MAPKAP1: variants seen among roughly 807,000 people sequenced by gnomAD.
MAPKAP1 encodes MAPK associated protein 1.
In MAPKAP1, 20 loss-of-function variants were observed where a neutral mutation model predicts 65.7. The observed-to-expected ratio is 0.30, with a 90% CI of 0.21 to 0.44. The LOEUF is 0.44. Ranked by LOEUF, MAPKAP1 falls within the 20% of genes least tolerant of loss-of-function variation. The probability of loss-of-function intolerance (pLI) is 1.00; values close to 1 mark genes in which losing one functional copy is unlikely to be tolerated. For missense variants in MAPKAP1, 423 were observed against 648.0 expected (o/e 0.65, Z 3.77); for synonymous variants, 222 against 244.3 (o/e 0.91, Z 0.85).
At chr9:125,689,015 C>T (rs996050464) in intron 1 of MAPKAP1, among the ~76,000 whole-genome samples, 1 of 152,168 alleles carries the variant, frequency 6.6e-6, no homozygotes, top group African/African-American at 2.4e-5. Context: ...CTTATCAGTT[C>T]ATTCAATAAG....
At chr9:125,603,041 CA>C (rs1465020340) in intron 4 of MAPKAP1, among the ~76,000 whole-genome samples, 1 of 149,534 alleles carries the variant, frequency 6.7e-6, no homozygotes, top group African/African-American at 2.4e-5. Flanking sequence ...ACTACAGGAA[CA>C]CCACCACACT....
chr9:125,627,304 T>C (rs918845326), intron 4 of MAPKAP1, among the ~76,000 whole-genome samples: 1 of 152,258 alleles, frequency 6.6e-6, no homozygotes, highest in African/African-American at 2.4e-5. Context: ...GCCTCTATCT[T>C]GGGCACATTT....
chr9:125,465,633 T>G (rs898572769), intron 10 of MAPKAP1, among the ~76,000 whole-genome samples: 2 of 152,212 alleles, frequency 1.3e-5, no homozygotes, highest in Non-Finnish European at 2.9e-5. Flanking sequence ...TTAACAAACA[T>G]TCAGTGAGGA....
chr9:125,545,897 G>A (rs1381033829), intron 6 of MAPKAP1, among the ~76,000 whole-genome samples: 1 of 152,154 alleles, frequency 6.6e-6, no homozygotes, highest in Non-Finnish European at 1.5e-5. Context: ...ATTACCTTCT[G>A]TATTTTTTCA....
chr9:125,521,846 C>CAGGTTGGAGT, intron 7 of MAPKAP1: 2 of 1,339,580 alleles, frequency 1.5e-6, no homozygotes, highest in Non-Finnish European at 1.1e-6. Flanking sequence ...AGTGGTGACT[C>CAGGTTGGAGT]CAACCTGAGT....
intron 7 of MAPKAP1, among the ~76,000 whole-genome samples, chr9:125,523,650 G>A (rs892742503): frequency 6.6e-6 from 1 of 152,198 alleles, no homozygotes; most frequent in Non-Finnish European, 1.5e-5. Flanking sequence ...AATTTAATGA[G>A]AAAAATTACA....
At chr9:125,693,242 G>A (rs1258618830) in intron 1 of MAPKAP1, among the ~76,000 whole-genome samples, 2 of 151,556 alleles carry the variant, frequency 1.3e-5, no homozygotes, top group Non-Finnish European at 2.9e-5. Flanking sequence ...GTGAAACCCC[G>A]TCTCTACTAA....
chr9:125,629,070 C>CAG (rs1038463400), intron 4 of MAPKAP1, among the ~76,000 whole-genome samples: 4 of 151,736 alleles, frequency 2.6e-5, no homozygotes, highest in African/African-American at 9.7e-5. Flanking sequence ...CACACACACA[C>CAG]ACACACACAC....
At chr9:125,511,087 G>A (rs998024498) in intron 7 of MAPKAP1, among the ~76,000 whole-genome samples, 3 of 152,074 alleles carry the variant, frequency 2.0e-5, no homozygotes, top group Non-Finnish European at 2.9e-5. Flanking sequence ...AAGTTTCAAC[G>A]AACTAATAGT....
chr9:125,612,900 T>C lies in MAPKAP1; in HGVS notation c.499-27173A>G, dbSNP rs544744923. ...GAAACACATCTAGCCAGTAAATCCA[T>C]TGGGGTATCTTATTACTTTTACCCA... On this transcript the variant is annotated intron_variant, in intron 4 of 11. Transcript: ENST00000265960. Among the ~76,000 whole-genome samples the C allele has an allele frequency of 1.1e-3, 161 of 152,314 alleles. 1 individual carries two copies. The highest frequency in any genetic ancestry group is 3.5e-3 in the African/African-American group (147 of 41,566).
intron 7 of MAPKAP1, among the ~76,000 whole-genome samples, chr9:125,529,844 T>TAAA (rs2133136233): frequency 6.6e-6 from 1 of 152,348 alleles, no homozygotes; most frequent in Admixed American, 6.5e-5. Flanking sequence ...TTTTAAGTCT[T>TAAA]CTTTGTCTCA....
chr9:125,622,541 A>G (rs1371233288), intron 4 of MAPKAP1, among the ~76,000 whole-genome samples: 1 of 149,362 alleles, frequency 6.7e-6, no homozygotes, highest in African/African-American at 2.5e-5. Context: ...TGCCCCCCGG[A>G]TTCAAGCAAT....
chr9:125,504,833 A>G (rs1829091203), intron 8 of MAPKAP1, among the ~76,000 whole-genome samples: 1 of 151,928 alleles, frequency 6.6e-6, no homozygotes, highest in African/African-American at 2.4e-5. Flanking sequence ...AACCAAAAAC[A>G]TCCAAAGAGT....
At chr9:125,564,976 C>T (rs1255545216) in intron 5 of MAPKAP1, among the ~76,000 whole-genome samples, 1 of 152,154 alleles carries the variant, frequency 6.6e-6, no homozygotes, top group Admixed American at 6.5e-5. Flanking sequence ...AAGAGCAGTA[C>T]CTTTCATGGG....
chr9:125,569,081 T>C (rs1181181992), intron 5 of MAPKAP1, among the ~76,000 whole-genome samples: 1 of 152,194 alleles, frequency 6.6e-6, no homozygotes, highest in African/African-American at 2.4e-5. Flanking sequence ...TAAGCCCACT[T>C]TTCCAGACAA....
chr9:125,591,955 T>C (rs1831978885), intron 4 of MAPKAP1, among the ~76,000 whole-genome samples: 1 of 152,216 alleles, frequency 6.6e-6, no homozygotes, highest in South Asian at 2.1e-4. Flanking sequence ...TGTTCCACCA[T>C]ACAGGACTGG....
At chr9:125,634,143 G>C (rs763774983) in intron 4 of MAPKAP1, among the ~76,000 whole-genome samples, 18 of 152,188 alleles carry the variant, frequency 1.2e-4, no homozygotes, top group Non-Finnish European at 2.6e-4. Context: ...TAATGAACTT[G>C]CTTTTCAGGG....
intron 8 of MAPKAP1, among the ~76,000 whole-genome samples, chr9:125,504,586 G>A (rs1475048198): frequency 6.6e-6 from 1 of 151,808 alleles, no homozygotes; most frequent in African/African-American, 2.4e-5. Flanking sequence ...GAGCAGTCTG[G>A]CCAACATAGC....
In MAPKAP1 at chr9:125,595,271, T is replaced by C. The variant is rs1564574483; in HGVS notation, c.499-9544A>G. Among the ~76,000 whole-genome samples the C allele has an allele frequency of 6.6e-6, 1 of 152,196 alleles. No homozygotes were observed. The highest frequency in any genetic ancestry group is 1.5e-5 in the Non-Finnish European group (1 of 68,022). ...AAGTGTCTCTAGGCCAATTATGAAA[T>C]ATCAATACTATGAACCAAAGGTTAC... On this transcript the variant is annotated intron_variant, in intron 4 of 11. Transcript: ENST00000265960. This position sits in a 1 kb window ranked among gnomAD's most constrained non-coding sequence, Gnocchi z 4.0.
Sources: gnomAD v4.1 joint callset for allele counts (sites outside exome capture counted in the v4.1 genomes callset) on GRCh38, gnomAD v4.1.1 for gene constraint, Gnocchi (gnomAD v3.1) non-coding constraint, MANE v1.5 for transcripts, NCBI Gene and HGNC (gene_info 2026-07-23, HGNC 2026-07-21) for gene names.